Variants in NXN observed in about 807,000 individuals in gnomAD.
NXN encodes nucleoredoxin 1.
In NXN, 16 loss-of-function variants were observed where a neutral mutation model predicts 48.6. That is an observed-to-expected ratio of 0.33 (90% CI 0.22 to 0.50). NXN has a LOEUF of 0.50. Among genes scored for constraint, NXN ranks in the 20% least tolerant of loss-of-function variants. NXN has a pLI of 0.98. For missense variants in NXN, 492 were observed against 605.5 expected, an observed-to-expected ratio of 0.81 and a Z score of 1.97; for synonymous variants, 281 against 269.6, an observed-to-expected ratio of 1.04 and a Z score of -0.41.
chr17:825,013 T>G lies in NXN; in HGVS notation c.478+948A>C, dbSNP rs957701738. ...GGGAGGCCGAGGTGGGCGGATTGCT[T>G]GAGCTCAAAAGTTTTGAGACCAGCC... On this transcript the variant is annotated intron_variant, in intron 2 of 7. Transcript: ENST00000336868. This position sits in a 1 kb window ranked among gnomAD's most constrained non-coding sequence, Gnocchi z 4.1. Among the ~76,000 whole-genome samples, 1 of 152,128 alleles carries G rather than the reference T, an allele frequency of 6.6e-6. No homozygotes were observed. Among genetic ancestry groups the G allele is most frequent in the Non-Finnish European group, 1.5e-5 (1 of 68,018 alleles).
intron 1 of NXN, among the ~76,000 whole-genome samples, chr17:833,547 A>C (rs1015693750): frequency 6.6e-6 from 1 of 152,212 alleles, no homozygotes; most frequent in East Asian, 1.9e-4. Context: ...CTCTGAAAAC[A>C]GCGGTTTCAT....
At chr17:870,418 G>GAGC (rs1256586531) in intron 1 of NXN, among the ~76,000 whole-genome samples, 1 of 150,234 alleles carries the variant, frequency 6.7e-6, no homozygotes, top group Non-Finnish European at 1.5e-5. Context: ...CGGCCTAAGG[G>GAGC]AGCATCACAG....
rs574317485 is a variant in NXN at position 970,018 on chromosome 17, C to T, written c.360+9301G>A. On this transcript the variant is annotated intron_variant, in intron 1 of 7. Transcript: ENST00000336868. ...TGACGGATTGGACAGAAGGAAGCGA[C>T]GAAGTGAAGCTTACGTTGTTTTTTT... Among the ~76,000 whole-genome samples the T allele has an allele frequency of 6.6e-5, 10 of 152,262 alleles. No individual in the cohort carries two copies. In the Middle Eastern group the frequency reaches 0.01, roughly 155 times the overall value.
rs1567810395 is a variant in NXN, at chr17:809,911, T to TGG, written c.821-4665_821-4664insCC. Among the ~76,000 whole-genome samples, 5 of 124,342 alleles carry TGG rather than the reference T, an allele frequency of 4.0e-5. 1 individual carries two copies. Among genetic ancestry groups the TGG allele is most frequent in the African/African-American group, 1.4e-4 (5 of 34,942 alleles). 81.6% of individuals were successfully genotyped at this position (124,342 alleles called of 152,430 possible). A position where few individuals can be genotyped will look rare whatever the true frequency, so the allele number is the denominator to read the frequency against. ...ACGTTAAGAGTCCCTGTGAGTGCCGTGCACGTTAAGAGTCCGTGTGAGTGG... is the reference window on the plus strand; with the variant it reads ...ACGTTAAGAGTCCCTGTGAGTGCCGTGGGCACGTTAAGAGTCCGTGTGAGTGG... On this transcript the variant is annotated intron_variant, in intron 5 of 7. Coordinates refer to ENST00000336868, the MANE Select transcript of NXN (RefSeq NM_022463.5).
chr17:931,616 C>CA (rs1471972970), intron 1 of NXN, among the ~76,000 whole-genome samples: 13 of 149,436 alleles, frequency 8.7e-5, no homozygotes, highest in East Asian at 3.9e-4. Flanking sequence ...GTGGGCGGAT[C>CA]GTGAGGTCAG....
intron 1 of NXN, among the ~76,000 whole-genome samples, chr17:948,730 C>G (rs1019668820): frequency 6.6e-6 from 1 of 151,892 alleles, no homozygotes; most frequent in African/African-American, 2.4e-5. Context: ...CCCCAGCGCT[C>G]GGAGGCTGAG....
intron 4 of NXN, 39 bp from the exon 5 acceptor site, chr17:819,584 C>T: frequency 7.3e-7 from 1 of 1,377,792 alleles, no homozygotes; most frequent in Non-Finnish European, 1.0e-6. Flanking sequence ...GCTCAGTATC[C>T]CCACTGCACC....
chr17:882,950 C>G (rs1454212745), intron 1 of NXN, among the ~76,000 whole-genome samples: 1 of 152,168 alleles, frequency 6.6e-6, no homozygotes, highest in African/African-American at 2.4e-5. Context: ...CACAGGGTTT[C>G]ACCATGTTGG....
At chr17:938,478 G>A (rs571720514) in intron 1 of NXN, among the ~76,000 whole-genome samples, 8 of 150,914 alleles carry the variant, frequency 5.3e-5, no homozygotes, top group South Asian at 2.1e-4. Flanking sequence ...TCAGGAGTTC[G>A]AGATCAGCCC....
At chr17:813,830 G>A (rs559688211) in intron 5 of NXN, among the ~76,000 whole-genome samples, 33 of 152,206 alleles carry the variant, frequency 2.2e-4, no homozygotes, top group African/African-American at 7.5e-4. Context: ...GCTGGGCGTA[G>A]TGGCAGGTGC....
intron 1 of NXN, among the ~76,000 whole-genome samples, chr17:850,238 G>A (rs2067909365): frequency 6.6e-6 from 1 of 152,258 alleles, no homozygotes; most frequent in South Asian, 2.1e-4. Flanking sequence ...TCATTCTTCT[G>A]TCTTCCCCAC....
At chr17:940,619 A>C (rs1364531520) in intron 1 of NXN, among the ~76,000 whole-genome samples, 1 of 152,020 alleles carries the variant, frequency 6.6e-6, no homozygotes, top group African/African-American at 2.4e-5. Context: ...CAGGACCCTT[A>C]AAAACAAGAT....
chr17:853,816 C>CG (rs1381819605), intron 1 of NXN, among the ~76,000 whole-genome samples: 2 of 150,958 alleles, frequency 1.3e-5, no homozygotes, highest in Non-Finnish European at 2.9e-5. Flanking sequence ...TCTGCCTCCC[C>CG]GGGTTCAAGT....
At chr17:942,004 G>A (rs1480575697) in intron 1 of NXN, among the ~76,000 whole-genome samples, 1 of 53,056 alleles carries the variant, frequency 1.9e-5, no homozygotes, top group Admixed American at 1.4e-4. Flanking sequence ...AGATTCCAGG[G>A]TGCAGCCATG....
At chr17:863,377 C>G (rs2068061019) in intron 1 of NXN, among the ~76,000 whole-genome samples, 1 of 152,158 alleles carries the variant, frequency 6.6e-6, no homozygotes, top group East Asian at 1.9e-4. Context: ...CCGTGTGAGC[C>G]AGGATGGTCT....
intron 1 of NXN, among the ~76,000 whole-genome samples, chr17:832,847 G>A (rs1292803389): frequency 6.6e-6 from 1 of 152,030 alleles, no homozygotes. Flanking sequence ...AAAGGCCCAC[G>A]CTGGGTTAGT....
chr17:826,448 A>G (rs1913108762), intron 1 of NXN, among the ~76,000 whole-genome samples: 1 of 152,222 alleles, frequency 6.6e-6, no homozygotes, highest in Non-Finnish European at 1.5e-5. Context: ...CCTGGAGAGT[A>G]CTACCCTTCC....
At chr17:847,457 G>C (rs73975568) in intron 1 of NXN, among the ~76,000 whole-genome samples, 6,967 of 152,164 alleles carry the variant, frequency 0.046, 399 homozygotes, top group African/African-American at 0.13. Flanking sequence ...CACGGAGCCT[G>C]GCACGTGAAG....
chr17:953,230 C>G (rs1449113555), intron 1 of NXN, among the ~76,000 whole-genome samples: 1 of 152,140 alleles, frequency 6.6e-6, no homozygotes, highest in Non-Finnish European at 1.5e-5. Context: ...GCCTGGCCAA[C>G]ATGGTGAAAC....
Sources: allele counts gnomAD v4.1 joint callset (sites outside exome capture counted in the v4.1 genomes callset), GRCh38; gene constraint gnomAD v4.1.1; non-coding constraint Gnocchi (gnomAD v3.1); transcripts MANE v1.5; gene names NCBI Gene and HGNC (gene_info 2026-07-23, HGNC 2026-07-21).